The following POU3F3 variants were observed in gnomAD, a reference collection of about 807,000 sequenced individuals.
The protein encoded by POU3F3 is POU domain, class 3, transcription factor 3.
POU3F3 carries 1 observed loss-of-function variant against 8.6 expected under a neutral mutation model. That is an observed-to-expected ratio of 0.12 (90% CI 0.04 to 0.55). The LOEUF is 0.55. Among genes scored for constraint, POU3F3 ranks in the 20% least tolerant of loss-of-function variants. The pLI, the probability that POU3F3 is intolerant of heterozygous loss-of-function variation, is 0.91. For synonymous variants in POU3F3, 418 were observed against 327.4 expected, an observed-to-expected ratio of 1.28 and a Z score of -2.99; for missense variants, 577 against 690.7, an observed-to-expected ratio of 0.84 and a Z score of 1.84.
At chr2:104,912,921 T>C in the POU3F3 span, among the ~76,000 whole-genome samples, 2 of 152,246 alleles carry the variant, frequency 1.3e-5, no homozygotes, top group African/African-American at 4.8e-5. Flanking sequence ...TCCTGGAATA[T>C]GTTCAAGCAT....
At chr2:104,864,342 TC>T in the POU3F3 span, among the ~76,000 whole-genome samples, 6 of 152,140 alleles carry the variant, frequency 3.9e-5, no homozygotes, top group Admixed American at 1.3e-4. Context: ...TAGGAGCCAT[TC>T]CCCCTTCCCC....
At chr2:104,921,230 G>A in the POU3F3 span, among the ~76,000 whole-genome samples, 4 of 152,116 alleles carry the variant, frequency 2.6e-5, no homozygotes, top group Non-Finnish European at 4.4e-5. Flanking sequence ...ACGCTTCATA[G>A]CCAGCGTCCA....
At chr2:104,893,561 G>T in the POU3F3 span, among the ~76,000 whole-genome samples, 2 of 152,238 alleles carry the variant, frequency 1.3e-5, no homozygotes, top group African/African-American at 4.8e-5. Context: ...GATGGTGATT[G>T]CATTGACTTC....
rs1301605449 is a variant in POU3F3 at position 104,855,395 on chromosome 2, G to T, written c.-116G>T. The T allele has an allele frequency of 5.2e-6, 2 of 386,120 alleles. No homozygotes were observed. Among genetic ancestry groups the T allele is most frequent in the Non-Finnish European group, 3.4e-6 (1 of 291,336 alleles). 23.9% of individuals were successfully genotyped at this position (386,120 alleles called of 1,614,324 possible). On this transcript the variant is annotated 5_prime_UTR_variant, in exon 1 of 1. Transcript: ENST00000361360. Reference sequence around the variant, plus strand: ...CCCGGGGCGGGGGCGGGGAAGGAGGGGGGGAGGAGGCGGGAGGCGGGGGGC... The same window carrying T: ...CCCGGGGCGGGGGCGGGGAAGGAGGTGGGGAGGAGGCGGGAGGCGGGGGGC...
At chr2:104,925,924 T>G in the POU3F3 span, 1 of 152,248 alleles carries the variant, frequency 6.6e-6, no homozygotes, top group East Asian at 1.9e-4. Flanking sequence ...TAAACTGGGT[T>G]GTGTTAACAG....
the POU3F3 span, among the ~76,000 whole-genome samples, chr2:104,922,716 A>G: frequency 6.6e-6 from 1 of 152,188 alleles, no homozygotes. Context: ...CAAAAGGAGA[A>G]AAGAGAGAGA....
At chr2:104,859,868 CA>C (rs1676634732), downstream of POU3F3, among the ~76,000 whole-genome samples, 1 of 151,856 alleles carries the variant, frequency 6.6e-6, no homozygotes, top group African/African-American at 2.4e-5. Flanking sequence ...TCCCTATGCC[CA>C]GCAAATTTAC....
At chr2:104,889,609 G>A in the POU3F3 span, among the ~76,000 whole-genome samples, 8 of 152,282 alleles carry the variant, frequency 5.3e-5, no homozygotes, top group East Asian at 3.9e-4. Flanking sequence ...CCTCCAAAGC[G>A]TACTCTTCCC....
rs762777001 is a variant in POU3F3, at chr2:104,854,843, G to GGAGGA, written c.-649_-645dup. ...GAAAACGAGTGAAATGTGTTCCTGA[G>GGAGGA]GAGGAGAGGAGAGGAGAGGAGAGAG... On this transcript the variant is annotated 5_prime_UTR_variant, in exon 1 of 1. Transcript: ENST00000361360. This position sits in a 1 kb window ranked among gnomAD's most constrained non-coding sequence, Gnocchi z 4.5. Among the ~76,000 whole-genome samples the GGAGGA allele has an allele frequency of 9.8e-5, 15 of 152,340 alleles. No homozygotes were observed. Among genetic ancestry groups the GGAGGA allele is most frequent in the South Asian group, 2.1e-4 (1 of 4,824 alleles).
the POU3F3 span, among the ~76,000 whole-genome samples, chr2:104,916,963 C>T: frequency 6.6e-6 from 1 of 152,196 alleles, no homozygotes; most frequent in Non-Finnish European, 1.5e-5. Context: ...TGTGGGTGGG[C>T]ACCATCCAAT....
At chr2:104,901,493 A>C in the POU3F3 span, among the ~76,000 whole-genome samples, 1 of 152,178 alleles carries the variant, frequency 6.6e-6, no homozygotes, top group African/African-American at 2.4e-5. Flanking sequence ...CTATCCTAAC[A>C]GGCTGTTCAC....
chr2:104,925,376 G>A, the POU3F3 span, among the ~76,000 whole-genome samples: 1 of 152,200 alleles, frequency 6.6e-6, no homozygotes. Context: ...TTGGAAGGAT[G>A]TGCTTGTGAG....
At chr2:104,890,970 G>A in the POU3F3 span, among the ~76,000 whole-genome samples, 11 of 152,304 alleles carry the variant, frequency 7.2e-5, no homozygotes, top group East Asian at 2.1e-3. Context: ...AACCAGACTG[G>A]CCTAGATTGA....
At chr2:104,892,362 A>G in the POU3F3 span, among the ~76,000 whole-genome samples, 1 of 152,180 alleles carries the variant, frequency 6.6e-6, no homozygotes, top group Non-Finnish European at 1.5e-5. Flanking sequence ...AATTAGTGAG[A>G]ATCTGCAGCT....
chr2:104,922,280 A>G, the POU3F3 span, among the ~76,000 whole-genome samples: 1 of 152,104 alleles, frequency 6.6e-6, no homozygotes, highest in Non-Finnish European at 1.5e-5. Flanking sequence ...AAGAAACAGG[A>G]AAGTATGGTT....
At chr2:104,885,528 C>T in the POU3F3 span, among the ~76,000 whole-genome samples, 1 of 152,208 alleles carries the variant, frequency 6.6e-6, no homozygotes, top group African/African-American at 2.4e-5. Flanking sequence ...CTCCTCACTG[C>T]CCGCTATATG....
the POU3F3 span, among the ~76,000 whole-genome samples, chr2:104,893,883 C>CA: frequency 0.031 from 2,742 of 87,514 alleles, 87 homozygotes; most frequent in African/African-American, 0.099. Flanking sequence ...AACTCTGTCT[C>CA]AAAAAAAAAA....
the POU3F3 span, among the ~76,000 whole-genome samples, chr2:104,879,857 C>T: frequency 2.0e-5 from 3 of 152,276 alleles, no homozygotes; most frequent in African/African-American, 7.2e-5. Flanking sequence ...CTCTTCACCA[C>T]GTGGTTCTTT....
At chr2:104,918,877 A>G in the POU3F3 span, among the ~76,000 whole-genome samples, 1 of 138,962 alleles carries the variant, frequency 7.2e-6, no homozygotes, top group Non-Finnish European at 1.5e-5. Flanking sequence ...ACTCATGAAA[A>G]CACTTTTTTT....
Sources: allele counts gnomAD v4.1 joint callset (sites outside exome capture counted in the v4.1 genomes callset), GRCh38; gene constraint gnomAD v4.1.1; non-coding constraint Gnocchi (gnomAD v3.1); transcripts MANE v1.5; gene names NCBI Gene and HGNC (gene_info 2026-07-23, HGNC 2026-07-21).